The following GRID2 variants were observed in gnomAD, a reference collection of about 807,000 sequenced individuals.
The protein encoded by GRID2 is glutamate ionotropic receptor delta type subunit 2.
A neutral mutation model predicts 114.8 loss-of-function variants in GRID2; 33 were observed. The ratio of observed to expected loss-of-function variants is 0.29; its 90% CI spans 0.22 to 0.38. The LOEUF (loss-of-function observed/expected upper bound fraction) is 0.38, where lower values mean the gene tolerates loss of function less well. GRID2 is among the 10% of genes least tolerant of loss of function. GRID2 has a pLI of 1.00. For synonymous variants in GRID2, 505 were observed against 449.9 expected (o/e 1.12, Z -1.55); for missense variants, 1,184 against 1,257.7 (o/e 0.94, Z 0.89).
In GRID2 at chr4:93,769,558, C is replaced by G. The variant is rs1157894365; in HGVS notation, c.2601+108C>G. 5.1e-5 allele frequency: 52 copies of G among 1,011,476 alleles called. No individual in the cohort carries two copies. The South Asian group carries it at 7.5e-4, about 15-fold the overall frequency. 62.7% of individuals were successfully genotyped at this position (1,011,476 alleles called of 1,614,324 possible). ...GGGTTGGGGGTGGTCCTTGTTTTTT[C>G]GTTTCTTGAAGATTAAAAATAAAGT... On this transcript the variant is annotated intron_variant, in intron 15 of 15. Transcript: ENST00000282020.
At chr4:92,828,801 T>G (rs1437367353) in intron 2 of GRID2, among the ~76,000 whole-genome samples, 1 of 152,126 alleles carries the variant, frequency 6.6e-6, no homozygotes, top group African/African-American at 2.4e-5. Context: ...CAGGTATAAG[T>G]AACTAAAAGA....
At chr4:92,929,226 G>C (rs1750048918) in intron 2 of GRID2, among the ~76,000 whole-genome samples, 1 of 150,936 alleles carries the variant, frequency 6.6e-6, no homozygotes, top group South Asian at 2.1e-4. Flanking sequence ...TAATATTATT[G>C]TTGCATGAAT....
intron 2 of GRID2, among the ~76,000 whole-genome samples, chr4:92,688,066 T>TTTTTTTTG (rs1352613092): frequency 1.5e-5 from 2 of 134,956 alleles, no homozygotes; most frequent in African/African-American, 5.8e-5. Flanking sequence ...TTTTTTTTTT[T>TTTTTTTTG]GGGATGGAGT....
At chr4:92,729,308 A>G (rs138270553) in intron 2 of GRID2, among the ~76,000 whole-genome samples, 2 of 152,250 alleles carry the variant, frequency 1.3e-5, no homozygotes, top group Non-Finnish European at 2.9e-5. Context: ...TTGTGTCCTC[A>G]GAACACTGAG....
intron 4 of GRID2, among the ~76,000 whole-genome samples, chr4:93,120,283 G>A (rs1209175970): frequency 6.6e-6 from 1 of 152,058 alleles, no homozygotes; most frequent in Admixed American, 6.5e-5. Context: ...CTACTATAAT[G>A]ACACATGCAC....
intron 8 of GRID2, among the ~76,000 whole-genome samples, chr4:93,274,644 C>G (rs1011913911): frequency 6.6e-6 from 1 of 151,998 alleles, no homozygotes; most frequent in Non-Finnish European, 1.5e-5. Flanking sequence ...CTTCTTGTTT[C>G]TTTCTTCCAT....
At chr4:92,957,815 T>G (rs144254971) in intron 2 of GRID2, among the ~76,000 whole-genome samples, 56 of 152,206 alleles carry the variant, frequency 3.7e-4, no homozygotes, top group Non-Finnish European at 6.2e-4. Context: ...TATTCAGTCC[T>G]TTTTATATCT....
chr4:93,521,488 T>G (rs1231491776), intron 13 of GRID2, among the ~76,000 whole-genome samples: 1 of 152,064 alleles, frequency 6.6e-6, no homozygotes, highest in Admixed American at 6.6e-5. Context: ...TTCAAGAAGT[T>G]CAGAGGATCA....
At chr4:93,258,662 A>C (rs1749898432) in intron 8 of GRID2, among the ~76,000 whole-genome samples, 1 of 151,818 alleles carries the variant, frequency 6.6e-6, no homozygotes, top group African/African-American at 2.4e-5. Context: ...GACCCAAAAT[A>C]TCCATAAGGT....
chr4:92,671,594 T>A (rs981353523), intron 2 of GRID2, among the ~76,000 whole-genome samples: 1 of 152,050 alleles, frequency 6.6e-6, no homozygotes, highest in African/African-American at 2.4e-5. Flanking sequence ...TGACAGAGGA[T>A]TCAGGAGTCA....
intron 8 of GRID2, among the ~76,000 whole-genome samples, chr4:93,372,626 G>A (rs188781359): frequency 6.6e-6 from 1 of 151,862 alleles, no homozygotes; most frequent in African/African-American, 2.4e-5. Context: ...CTAGTGTCTT[G>A]TAGACATTAG....
At position 93,471,698 on chromosome 4, in the gene GRID2, A is replaced by ATTTTTTTTTTTTTTTT. The variant is rs897411033; in HGVS notation, c.1858+15726_1858+15741dup. On this transcript the variant is annotated intron_variant, in intron 11 of 15. Transcript: ENST00000282020. ...ATTGTTATTTCTTCTCCTGAATTCA[A>ATTTTTTTTTTTTTTTT]TTTTTTTTTTTTTTTTTGGAGACGG... is the stretch of plus-strand genomic sequence containing the variant. Among the ~76,000 whole-genome samples, 13 of 60,990 alleles carry ATTTTTTTTTTTTTTTT rather than the reference A, an allele frequency of 2.1e-4. 2 individuals are homozygous for ATTTTTTTTTTTTTTTT. Among genetic ancestry groups the ATTTTTTTTTTTTTTTT allele is most frequent in the African/African-American group, 7.2e-4 (8 of 11,086 alleles). The allele number at this position is 60,990 out of a possible 152,430, so 40.0% of individuals were successfully genotyped here.
intron 1 of GRID2, among the ~76,000 whole-genome samples, chr4:92,462,408 A>G (rs1721542470): frequency 6.6e-6 from 1 of 152,068 alleles, no homozygotes; most frequent in African/African-American, 2.4e-5. Flanking sequence ...ACTTAAACAT[A>G]TGGTATAAAC....
rs190021169 is a variant in GRID2 at position 93,020,978 on chromosome 4, C to A, written c.245-64017C>A. ...ACTGCAGGCAGAGGTTGCAGTGAGC[C>A]AAGATCATCGTGCCATTGCATTCCA... On this transcript the variant is annotated intron_variant, in intron 2 of 15. Coordinates refer to ENST00000282020, the MANE Select transcript of GRID2 (RefSeq NM_001510.4). Among the ~76,000 whole-genome samples, 7 of 150,004 alleles carry A rather than the reference C, an allele frequency of 4.7e-5. No homozygotes were observed. The East Asian group carries it at 1.2e-3, about 25-fold the overall frequency.
In GRID2 at chr4:92,310,143, C is replaced by A. The variant is rs539165262; in HGVS notation, c.88+5399C>A. ...ATTCCTTGCATAGTTGCACCTCCAC[C>A]ACTACTATCACTACAAGTACCACAA... is the stretch of plus-strand genomic sequence containing the variant. On this transcript the variant is annotated intron_variant, in intron 1 of 15. Transcript: ENST00000282020. Among the ~76,000 whole-genome samples the A allele has an allele frequency of 6.6e-5, 10 of 152,086 alleles. No individual in the cohort carries two copies. The East Asian group carries it at 1.9e-3, about 29-fold the overall frequency.
At chr4:93,070,315 T>G (rs1728700486) in intron 2 of GRID2, among the ~76,000 whole-genome samples, 1 of 152,064 alleles carries the variant, frequency 6.6e-6, no homozygotes, top group African/African-American at 2.4e-5. Flanking sequence ...TTCCATAGCT[T>G]TGTAAAGTGC....
At chr4:92,951,944 C>T (rs899493977) in intron 2 of GRID2, among the ~76,000 whole-genome samples, 1 of 151,986 alleles carries the variant, frequency 6.6e-6, no homozygotes, top group African/African-American at 2.4e-5. Flanking sequence ...TGCTATCTCA[C>T]CTAAGTCTTA....
At chr4:93,448,167 GA>G (rs1317735451) in intron 10 of GRID2, among the ~76,000 whole-genome samples, 3 of 151,718 alleles carry the variant, frequency 2.0e-5, no homozygotes, top group Admixed American at 6.6e-5. Flanking sequence ...GAAAGTAGGG[GA>G]AAATAGGATA....
At chr4:92,643,564 A>G (rs546614217) in intron 2 of GRID2, among the ~76,000 whole-genome samples, 1 of 151,944 alleles carries the variant, frequency 6.6e-6, no homozygotes, top group South Asian at 2.1e-4. Context: ...AGTCAAATCA[A>G]GAACGCAATC....
Sources: gnomAD v4.1 joint callset for allele counts (sites outside exome capture counted in the v4.1 genomes callset) on GRCh38, gnomAD v4.1.1 for gene constraint, MANE v1.5 for transcripts, NCBI Gene and HGNC (gene_info 2026-07-23, HGNC 2026-07-21) for gene names.